The following ACTN4 variants were observed in gnomAD, a reference collection of about 807,000 sequenced individuals.
The protein encoded by ACTN4 is alpha-actinin-4.
A neutral mutation model predicts 114.2 loss-of-function variants in ACTN4; 18 were observed. The ratio of observed to expected loss-of-function variants is 0.16; its 90% CI spans 0.11 to 0.23. The LOEUF (loss-of-function observed/expected upper bound fraction) is 0.23. Ranked by LOEUF, ACTN4 falls within the 10% of genes least tolerant of loss-of-function variation. The probability of loss-of-function intolerance (pLI) is 1.00; values close to 1 mark genes in which losing one functional copy is unlikely to be tolerated. For synonymous variants in ACTN4, 515 were observed against 506.3 expected, an observed-to-expected ratio of 1.02 and a Z score of -0.23; for missense variants, 722 against 1,262.9, an observed-to-expected ratio of 0.57 and a Z score of 6.49.
At chr19:38,719,368 C>T (rs554668760) in intron 11 of ACTN4, among the ~76,000 whole-genome samples, 2 of 152,380 alleles carry the variant, frequency 1.3e-5, no homozygotes, top group African/African-American at 2.4e-5. Context: ...GGCCCGCATG[C>T]GAGTGTGCAG....
intron 1 of ACTN4, among the ~76,000 whole-genome samples, chr19:38,659,235 T>A (rs570186090): frequency 1.2e-4 from 18 of 151,980 alleles, no homozygotes; most frequent in African/African-American, 4.1e-4. Flanking sequence ...AGTTTTGGTA[T>A]TTTTTAGGAG....
In ACTN4 at chr19:38,729,505, T is replaced by G; in HGVS notation, c.*73T>G. On this transcript the variant is annotated 3_prime_UTR_variant, in exon 21 of 21. Transcript: ENST00000252699. ...CTGGGCAGCCCCACAGTCCCATTCC[T>G]CCACTCTGTATCTATGCAAAGCACT... 7.8e-7 allele frequency: 1 copy of G among 1,284,970 alleles called. No individual in the cohort carries two copies. The highest frequency in any genetic ancestry group is 1.0e-6 in the Non-Finnish European group (1 of 974,012). The allele number at this position is 1,284,970 out of a possible 1,614,324, so 79.6% of individuals were successfully genotyped here. A position where few individuals can be genotyped will look rare whatever the true frequency, so the allele number is the denominator to read the frequency against.
chr19:38,717,310 G>C lies in ACTN4; in HGVS notation c.1137G>C (p.Met379Ile). The change falls in exon 10 of 21, where the codon ATG becomes ATC. Residue 379 changes from methionine (M) to isoleucine (I), a missense_variant. Physicochemically the swap from Met to Ile is conservative, Grantham distance 10. Transcript: ENST00000252699. The surrounding 1 kb of genome is among the most constrained non-coding windows in gnomAD (Gnocchi z 4.0). ...CCTTCATGCCCTCCGAGGGCAAGAT[G>C]GTCTCGGTGAGCACCAGGATTCACA... The part of the protein sequence containing the change: ...RPAFMPSEGK[M>I]VSDINNGWQH... The C allele has an allele frequency of 2.5e-6, 4 of 1,613,764 alleles. No homozygotes were observed. Among genetic ancestry groups the C allele is most frequent in the Non-Finnish European group, 3.4e-6 (4 of 1,179,874 alleles).
At chr19:38,715,211 C>G (rs550649019) in intron 9 of ACTN4, among the ~76,000 whole-genome samples, 29 of 152,276 alleles carry the variant, frequency 1.9e-4, no homozygotes, top group Admixed American at 7.8e-4. Flanking sequence ...AAAAAATAAA[C>G]GTAGGCTGGG....
rs901471588 is a variant in ACTN4, at chr19:38,681,823, T to C, written c.163-18777T>C. Reference sequence around the variant, plus strand: ...GCTACCTGAAGGCAGGTTTCAACTTTCAATCTTTTTTTTTGTTTTTTGGGT... The same window carrying C: ...GCTACCTGAAGGCAGGTTTCAACTTCCAATCTTTTTTTTTGTTTTTTGGGT... On this transcript the variant is annotated intron_variant, in intron 1 of 20. Transcript: ENST00000252699. Among the ~76,000 whole-genome samples, 26 of 152,190 alleles carry C rather than the reference T, an allele frequency of 1.7e-4. 1 individual carries two copies. Among genetic ancestry groups the C allele is most frequent in the Admixed American group, 1.6e-3 (24 of 15,286 alleles).
intron 11 of ACTN4, 100 bp from the exon 12 acceptor site, chr19:38,721,438 T>A: frequency 1.4e-6 from 2 of 1,392,896 alleles, no homozygotes; most frequent in Non-Finnish European, 2.0e-6. Context: ...GGATGTGGGG[T>A]CCACAGTCTC....
intron 1 of ACTN4, among the ~76,000 whole-genome samples, chr19:38,660,977 GAGAA>G (rs773059163): frequency 1.1e-4 from 16 of 151,994 alleles, no homozygotes; most frequent in Non-Finnish European, 2.1e-4. Context: ...CTTAACGGAT[GAGAA>G]AGAGAGAACC....
At chr19:38,722,273 C>T (rs1568742912) in intron 12 of ACTN4, among the ~76,000 whole-genome samples, 1 of 152,140 alleles carries the variant, frequency 6.6e-6, no homozygotes, top group Non-Finnish European at 1.5e-5. Flanking sequence ...CAGGGCGGGC[C>T]CAGGCAGCAG....
chr19:38,654,593 T>C (rs1976662257), intron 1 of ACTN4, among the ~76,000 whole-genome samples: 1 of 148,108 alleles, frequency 6.8e-6, no homozygotes, highest in South Asian at 2.1e-4. Flanking sequence ...AGAAAAGGAG[T>C]TAAATCTTTG....
intron 1 of ACTN4, among the ~76,000 whole-genome samples, chr19:38,663,094 A>G (rs1313970995): frequency 6.6e-6 from 1 of 152,050 alleles, no homozygotes; most frequent in Non-Finnish European, 1.5e-5. Flanking sequence ...TATTTTTAGT[A>G]GAGACGGGGT....
chr19:38,702,541 G>C (rs1968314767), intron 3 of ACTN4, among the ~76,000 whole-genome samples: 1 of 152,218 alleles, frequency 6.6e-6, no homozygotes, highest in Non-Finnish European at 1.5e-5. Flanking sequence ...AGCTGCACCT[G>C]TACTTGCTGA....
intron 1 of ACTN4, among the ~76,000 whole-genome samples, chr19:38,667,490 CTT>C (rs1443542221): frequency 6.6e-6 from 1 of 152,170 alleles, no homozygotes; most frequent in Non-Finnish European, 1.5e-5. Flanking sequence ...AAAATCCTCT[CTT>C]ACTATTTTTG....
intron 1 of ACTN4, among the ~76,000 whole-genome samples, chr19:38,693,903 T>G (rs925095416): frequency 6.6e-6 from 1 of 152,338 alleles, no homozygotes; most frequent in Non-Finnish European, 1.5e-5. Flanking sequence ...CCAACTCAAC[T>G]GACAAGCTTG....
Position 38,721,673 on chromosome 19 carries a change from T to G in ACTN4, c.1427T>G (p.Ile476Ser). 6.2e-7 allele frequency: 1 copy of G among 1,613,598 alleles called. No homozygotes were observed. The highest frequency in any genetic ancestry group is 8.5e-7 in the Non-Finnish European group (1 of 1,180,020). Residue 476 changes from isoleucine (I) to serine (S), a missense_variant, in exon 12 of 21, where the codon ATT (isoleucine) becomes AGT (serine). Coordinates refer to ENST00000252699, the MANE Select transcript of ACTN4 (RefSeq NM_004924.6). ...HQDRVEQIAA[I>S]AQELNELDYY... ...GACCGCGTGGAGCAGATCGCCGCCA[T>G]TGCCCAGGAGCTCAAGTACGTGCGG...
chr19:38,683,554 C>G lies in ACTN4; in HGVS notation c.163-17046C>G, dbSNP rs368506197. 1.3e-3 allele frequency among the ~76,000 whole-genome samples: 195 copies of G among 152,354 alleles called. 5 individuals carry two copies. The South Asian group carries it at 0.029, about 23-fold the overall frequency. On this transcript the variant is annotated intron_variant, in intron 1 of 20. Transcript: ENST00000252699. ...CCCACAGGCCACCAACTTTTCCCCC[C>G]CTTCTCTAAAAGACACACAATGGCA...
intron 1 of ACTN4, among the ~76,000 whole-genome samples, chr19:38,692,666 G>T (rs962556290): frequency 1.3e-5 from 2 of 152,216 alleles, no homozygotes; most frequent in African/African-American, 4.8e-5. Context: ...AGATGCCCCA[G>T]TGGGGCTAGG....
At chr19:38,728,309 G>A (rs780751525) in intron 19 of ACTN4, 29 of 1,515,408 alleles carry the variant, frequency 1.9e-5, no homozygotes, top group African/African-American at 1.5e-4. Context: ...CTGCGTCCTC[G>A]GAGCAGAAGC....
chr19:38,663,533 G>T (rs1209207192), intron 1 of ACTN4, among the ~76,000 whole-genome samples: 1 of 152,222 alleles, frequency 6.6e-6, no homozygotes, highest in Admixed American at 6.5e-5. Flanking sequence ...AGGGCAGGTG[G>T]GGTCAGTCAT....
At chr19:38,687,276 C>T (rs1382502513) in intron 1 of ACTN4, among the ~76,000 whole-genome samples, 3 of 152,156 alleles carry the variant, frequency 2.0e-5, no homozygotes, top group Non-Finnish European at 4.4e-5. Flanking sequence ...CCCAGCCCCT[C>T]TGGTTCTACT....
Sources: allele counts gnomAD v4.1 joint callset (sites outside exome capture counted in the v4.1 genomes callset), GRCh38; gene constraint gnomAD v4.1.1; non-coding constraint Gnocchi (gnomAD v3.1); transcripts MANE v1.5; gene names NCBI Gene and HGNC (gene_info 2026-07-23, HGNC 2026-07-21).